The following EXOC6B variants were observed in gnomAD, a reference collection of about 807,000 sequenced individuals.
EXOC6B encodes the protein exocyst complex component 6B, also known as SEC15 homolog B.
A neutral mutation model predicts 113.5 loss-of-function variants in EXOC6B; 54 were observed. The ratio of observed to expected loss-of-function variants is 0.48; its 90% confidence interval spans 0.38 to 0.60. The LOEUF (loss-of-function observed/expected upper bound fraction) is 0.60, where lower values mean the gene tolerates loss of function less well. Ranked by LOEUF, EXOC6B falls within the 20% of genes least tolerant of loss-of-function variation. The pLI is 0.00. For missense variants in EXOC6B, 797 were observed against 977.5 expected (o/e 0.82, Z 2.46); for synonymous variants, 357 against 339.0 (o/e 1.05, Z -0.58).
rs184801059 is a variant in EXOC6B, at chr2:72,746,753, C to T, written c.114-5284G>A. On this transcript the variant is annotated intron_variant, in intron 1 of 21. Transcript: ENST00000272427. ...TTATTCCCATTTTATAAATGAGAAACCTGTAACCCAAGATGAAGCAACTTG... is the reference window on the plus strand; with the variant it reads ...TTATTCCCATTTTATAAATGAGAAATCTGTAACCCAAGATGAAGCAACTTG... Among the ~76,000 whole-genome samples, 37 of 152,024 alleles carry T rather than the reference C, an allele frequency of 2.4e-4. No individual in the cohort carries two copies. The East Asian group carries it at 6.8e-3, about 28-fold the overall frequency.
intron 6 of EXOC6B, among the ~76,000 whole-genome samples, chr2:72,611,296 G>A (rs138497558): frequency 0.016 from 2,359 of 151,752 alleles, 84 homozygotes; most frequent in African/African-American, 0.055. Context: ...CCCAGGAGGC[G>A]GCAGCGAGCC....
intron 19 of EXOC6B, among the ~76,000 whole-genome samples, chr2:72,367,189 T>G (rs1305411851): frequency 6.6e-6 from 1 of 152,164 alleles, no homozygotes; most frequent in African/African-American, 2.4e-5. Context: ...TTTTGTAAGA[T>G]TCTTACATTA....
At chr2:72,549,093 TGA>T (rs1007191746) in intron 8 of EXOC6B, among the ~76,000 whole-genome samples, 97 of 151,810 alleles carry the variant, frequency 6.4e-4, no homozygotes, top group African/African-American at 2.2e-3. Context: ...AGGGAAAGAA[TGA>T]GAGGCATACA....
chr2:72,446,626 G>C (rs562416687), intron 18 of EXOC6B, among the ~76,000 whole-genome samples: 1 of 152,074 alleles, frequency 6.6e-6, no homozygotes, highest in Admixed American at 6.6e-5. Flanking sequence ...ACTAGAGTGG[G>C]GAGAGTGGGA....
chr2:72,693,231 A>C (rs1677626574), intron 6 of EXOC6B, among the ~76,000 whole-genome samples: 1 of 151,876 alleles, frequency 6.6e-6, no homozygotes, highest in Non-Finnish European at 1.5e-5. Flanking sequence ...AGCAAAACAG[A>C]CTCAGATGGT....
chr2:72,192,790 A>C (rs1456637012), intron 20 of EXOC6B, among the ~76,000 whole-genome samples: 5 of 152,326 alleles, frequency 3.3e-5, no homozygotes, highest in South Asian at 2.1e-4. Context: ...CTCCCAAAGC[A>C]GGTGCATCCT....
intron 20 of EXOC6B, among the ~76,000 whole-genome samples, chr2:72,245,426 C>G (rs918304269): frequency 3.7e-5 from 2 of 54,788 alleles, no homozygotes; most frequent in Admixed American, 1.6e-4. Flanking sequence ...GGACATCACC[C>G]CACATGTATG....
At chr2:72,339,157 C>T (rs1177143422) in intron 19 of EXOC6B, among the ~76,000 whole-genome samples, 1 of 151,958 alleles carries the variant, frequency 6.6e-6, no homozygotes, top group East Asian at 1.9e-4. Context: ...AAGAGGCTCC[C>T]AGACTCTTGT....
At chr2:72,640,420 G>A (rs1026270620) in intron 6 of EXOC6B, among the ~76,000 whole-genome samples, 1 of 152,110 alleles carries the variant, frequency 6.6e-6, no homozygotes, top group African/African-American at 2.4e-5. Flanking sequence ...AGGGAGAAAG[G>A]AACCAACTCA....
In EXOC6B at chr2:72,764,069, C is replaced by T. The variant is rs149834951; in HGVS notation, c.114-22600G>A. ...ACTCCAGCATGGGCGACAGAGCGAGCACTTGTCTTAAAAAATTAAAATAAT... is the reference window on the plus strand; with the variant it reads ...ACTCCAGCATGGGCGACAGAGCGAGTACTTGTCTTAAAAAATTAAAATAAT... On this transcript the variant is annotated intron_variant, in intron 1 of 21. Transcript: ENST00000272427. Among the ~76,000 whole-genome samples, 595 of 152,048 alleles carry T rather than the reference C, an allele frequency of 3.9e-3. 8 individuals are homozygous for T. The highest frequency in any genetic ancestry group is 0.014 in the African/African-American group (571 of 41,486).
chr2:72,406,900 A>G (rs898155489), intron 18 of EXOC6B, among the ~76,000 whole-genome samples: 1 of 152,210 alleles, frequency 6.6e-6, no homozygotes, highest in Non-Finnish European at 1.5e-5. Flanking sequence ...CCTTCAAAAA[A>G]TCAATGAATC....
intron 20 of EXOC6B, among the ~76,000 whole-genome samples, chr2:72,258,361 CTTT>C (rs967346322): frequency 8.0e-6 from 1 of 124,832 alleles, no homozygotes; most frequent in Non-Finnish European, 1.7e-5. Context: ...TTATCTTTTT[CTTT>C]TTTTTTTTTT....
chr2:72,368,270 T>C (rs796456007), intron 19 of EXOC6B, among the ~76,000 whole-genome samples: 4 of 152,200 alleles, frequency 2.6e-5, no homozygotes, highest in Admixed American at 1.3e-4. Context: ...CTAGAAGAAA[T>C]GGATAAATTC....
At position 72,766,819 on chromosome 2, in the gene EXOC6B, T is replaced by C. The variant is rs1047618649; in HGVS notation, c.114-25350A>G. Among the ~76,000 whole-genome samples, 9 of 151,718 alleles carry C rather than the reference T, an allele frequency of 5.9e-5. No homozygotes were observed. The East Asian group carries it at 1.6e-3, about 26-fold the overall frequency. ...AAATAGAAAAATCAGCCGGGCGTAG[T>C]GGTGCGCGTCTGTAATCCCAGCTAC... On this transcript the variant is annotated intron_variant, in intron 1 of 21. Coordinates refer to ENST00000272427, the MANE Select transcript of EXOC6B (RefSeq NM_015189.3).
chr2:72,781,686 A>C (rs1205965631), intron 1 of EXOC6B, among the ~76,000 whole-genome samples: 1 of 152,112 alleles, frequency 6.6e-6, no homozygotes, highest in East Asian at 1.9e-4. Flanking sequence ...ACAGAGGAAA[A>C]GCACAGTGAG....
At chr2:72,208,758 T>C (rs1223075020) in intron 20 of EXOC6B, among the ~76,000 whole-genome samples, 3 of 152,142 alleles carry the variant, frequency 2.0e-5, no homozygotes, top group Non-Finnish European at 4.4e-5. Flanking sequence ...AGAGCTCTCT[T>C]GTATTCTCTT....
intron 6 of EXOC6B, among the ~76,000 whole-genome samples, chr2:72,631,472 A>G (rs1237142446): frequency 1.1e-3 from 4 of 3,666 alleles, no homozygotes; most frequent in Non-Finnish European, 2.1e-3. Context: ...AGAGAGAGAG[A>G]GAGAGAGAGA....
chr2:72,267,098 A>G (rs1414342954), intron 20 of EXOC6B, among the ~76,000 whole-genome samples: 1 of 152,134 alleles, frequency 6.6e-6, no homozygotes, highest in African/African-American at 2.4e-5. Context: ...ATTTTTGTAC[A>G]TTGATTTTGT....
intron 1 of EXOC6B, among the ~76,000 whole-genome samples, chr2:72,780,435 A>AT (rs1441327913): frequency 1.3e-5 from 2 of 152,142 alleles, no homozygotes; most frequent in African/African-American, 4.8e-5. Context: ...TTATTGTTCT[A>AT]TTTTTTCCTT....
Sources: allele counts gnomAD v4.1 joint callset (sites outside exome capture counted in the v4.1 genomes callset), GRCh38; gene constraint gnomAD v4.1.1; transcripts MANE v1.5; gene names NCBI Gene and HGNC (gene_info 2026-07-23, HGNC 2026-07-21).